SAMD7: variants seen among roughly 807,000 people sequenced by gnomAD.
SAMD7 encodes the protein sterile alpha motif domain containing 7, also known as sterile alpha motif domain-containing protein 7.
SAMD7 carries 34 observed loss-of-function variants against 36.7 expected under a neutral mutation model. That is an observed-to-expected ratio of 0.93 (90% confidence interval 0.71 to 1.23). The LOEUF is 1.23. Ranked by LOEUF, SAMD7 falls within the 50% of genes most tolerant of loss-of-function variation. The pLI, the probability that SAMD7 is intolerant of heterozygous loss-of-function variation, is 0.00. For synonymous variants in SAMD7, 188 were observed against 189.7 expected (o/e 0.99, Z 0.07); for missense variants, 570 against 546.6 (o/e 1.04, Z -0.43).
Position 169,926,570 on chromosome 3 carries a change from A to G in SAMD7, c.308A>G (p.Tyr103Cys), listed in dbSNP as rs1254379526. ...HHTARTEMEM[Y>C]AIYQQRRMEK... The stretch of plus-strand genomic sequence containing the variant: ...GTTTTTAGGACAGAAATGGAAATGT[A>G]TGCTATTTACCAGCAAAGGAGAATG... Residue 103 changes from tyrosine (Y) to cysteine (C), a missense_variant, in exon 6 of 9, where the codon TAT becomes TGT. Physicochemically the swap from Tyr to Cys is radical, Grantham distance 194. Transcript: ENST00000335556. The G allele has an allele frequency of 1.2e-6, 2 of 1,608,434 alleles. No homozygotes were observed. The highest frequency in any genetic ancestry group is 1.7e-6 in the Non-Finnish European group (2 of 1,176,638).
chr3:169,926,249 G>T, intron 5 of SAMD7: 1 of 1,337,590 alleles, frequency 7.5e-7, no homozygotes, highest in Non-Finnish European at 9.8e-7. Context: ...TAGGTTTTTT[G>T]AGGATTAATC....
intron 1 of SAMD7, among the ~76,000 whole-genome samples, chr3:169,914,514 C>A (rs1712721601): frequency 6.6e-6 from 1 of 152,144 alleles, no homozygotes; most frequent in Non-Finnish European, 1.5e-5. Flanking sequence ...ACTTCCATGA[C>A]ATGTGGACAT....
chr3:169,920,702 A>C (rs1444758496), intron 3 of SAMD7, among the ~76,000 whole-genome samples: 1 of 152,142 alleles, frequency 6.6e-6, no homozygotes, highest in African/African-American at 2.4e-5. Flanking sequence ...GTTGTTTAGA[A>C]TATTTTGACC....
At chr3:169,916,169 C>T (rs950062959) in intron 2 of SAMD7, among the ~76,000 whole-genome samples, 1 of 152,172 alleles carries the variant, frequency 6.6e-6, no homozygotes, top group Non-Finnish European at 1.5e-5. Context: ...AAACCAGTCA[C>T]AGCAGGACAA....
At position 169,927,133 on chromosome 3, in the gene SAMD7, G is replaced by A. The variant is rs1436874301; in HGVS notation, c.871G>A (p.Asp291Asn). ...TTCGGAGCAGATTTTTGCAACCTGT[G>A]ATGAAAAGAATGGGGTTTGCCCTCC... ...EASEQIFATC[D>N]EKNGVCPPVP... Residue 291 changes from aspartate to asparagine, a missense_variant, in exon 6 of 9, where the codon GAT (aspartate) becomes AAT (asparagine). Coordinates refer to ENST00000335556, the MANE Select transcript of SAMD7 (RefSeq NM_001304366.2). 2.6e-6 allele frequency: 4 copies of A among 1,566,800 alleles called. 1 individual carries two copies. The South Asian group carries it at 4.8e-5, about 19-fold the overall frequency.
chr3:169,926,507 A>G (rs753313765), intron 5 of SAMD7, 46 bp from the exon 6 acceptor site: 2 of 1,526,404 alleles, frequency 1.3e-6, no homozygotes, highest in East Asian at 2.3e-5. Flanking sequence ...AATTACATTT[A>G]TAGTGGTTTT....
At chr3:169,912,414 A>C (rs568206975) in intron 1 of SAMD7, among the ~76,000 whole-genome samples, 99 of 152,326 alleles carry the variant, frequency 6.5e-4, no homozygotes, top group African/African-American at 2.3e-3. Flanking sequence ...GTTCCATTAT[A>C]TGAGTACTGC....
Position 169,919,551 on chromosome 3 carries a change from T to A in SAMD7, c.53T>A (p.Ile18Asn). 1 of 1,614,128 alleles carries A rather than the reference T, an allele frequency of 6.2e-7. No individual in the cohort carries two copies. The highest frequency in any genetic ancestry group is 1.3e-5 in the African/African-American group (1 of 75,040). Reference protein sequence around the residue: ...TPTGQQTIPLIPSPFGPPTVD... With the variant: ...TPTGQQTIPLNPSPFGPPTVD... Reference sequence around the variant, plus strand: ...ACAGGGCAGCAGACAATCCCACTGATCCCCTCACCATTTGGGCCTCCAACT... The same window carrying A: ...ACAGGGCAGCAGACAATCCCACTGAACCCCTCACCATTTGGGCCTCCAACT... The change falls in exon 3 of 9, where the codon ATC becomes AAC. Residue 18 changes from isoleucine (I) to asparagine (N), a missense_variant. Coordinates refer to ENST00000335556, the MANE Select transcript of SAMD7 (RefSeq NM_001304366.2).
At chr3:169,930,804 A>G (rs901952468) in intron 7 of SAMD7, among the ~76,000 whole-genome samples, 1 of 151,590 alleles carries the variant, frequency 6.6e-6, no homozygotes. Flanking sequence ...GCTGGTCTCA[A>G]CCTCCTGACC....
In SAMD7 at chr3:169,923,023, G is replaced by A. The variant is rs1003285374; in HGVS notation, c.211+1685G>A. Among the ~76,000 whole-genome samples the A allele has an allele frequency of 1.8e-4, 28 of 152,186 alleles. 1 individual carries two copies. Among genetic ancestry groups the A allele is most frequent in the African/African-American group, 6.5e-4 (27 of 41,442 alleles). On this transcript the variant is annotated intron_variant, in intron 4 of 8. Transcript: ENST00000335556. ...ACATGACTTGTGAGGGCTCAGGAGAGACTAGGAGGTGAGAATTTCCTCAAA... is the reference window on the plus strand; with the variant it reads ...ACATGACTTGTGAGGGCTCAGGAGAAACTAGGAGGTGAGAATTTCCTCAAA...
At chr3:169,926,318 G>C in intron 5 of SAMD7, 1 of 1,398,090 alleles carries the variant, frequency 7.2e-7, no homozygotes, top group Non-Finnish European at 9.4e-7. Context: ...TGCCTCGTCT[G>C]TTTAAAGGTA....
At chr3:169,929,835 C>A (rs1166947921) in intron 7 of SAMD7, among the ~76,000 whole-genome samples, 1 of 152,142 alleles carries the variant, frequency 6.6e-6, no homozygotes, top group Non-Finnish European at 1.5e-5. Context: ...TTGTCTTTTG[C>A]ATAACCTGAT....
chr3:169,915,288 T>A (rs1712750025), intron 1 of SAMD7, 79 bp from the exon 2 acceptor site: 1 of 152,444 alleles, frequency 6.6e-6, no homozygotes, highest in East Asian at 1.9e-4. Context: ...CCCTTCCTGG[T>A]CTTGCTTTTC....
chr3:169,931,831 T>C (rs1106759), intron 7 of SAMD7, among the ~76,000 whole-genome samples: 46,572 of 151,768 alleles, frequency 0.31, 7,424 homozygotes, highest in Middle Eastern at 0.43. Context: ...TTGCACTGCA[T>C]GGGTAGCCAC....
At chr3:169,914,334 C>A (rs965327938) in intron 1 of SAMD7, among the ~76,000 whole-genome samples, 3 of 152,134 alleles carry the variant, frequency 2.0e-5, no homozygotes, top group Admixed American at 2.0e-4. Context: ...AGAAACTAGG[C>A]AATCCTTTTC....
intron 7 of SAMD7, among the ~76,000 whole-genome samples, chr3:169,930,578 C>CTTTTTT (rs772549629): frequency 5.8e-4 from 59 of 101,706 alleles, no homozygotes; most frequent in African/African-American, 6.9e-4. Flanking sequence ...CCTTTCTTTT[C>CTTTTTT]TTTTTTTTTT....
At chr3:169,929,077 A>G (rs1259427972) in intron 7 of SAMD7, among the ~76,000 whole-genome samples, 2 of 152,194 alleles carry the variant, frequency 1.3e-5, no homozygotes, top group Non-Finnish European at 2.9e-5. Context: ...ATGCTGGGAC[A>G]ATATATAAAA....
At position 169,927,048 on chromosome 3, in the gene SAMD7, C is replaced by G; in HGVS notation, c.786C>G (p.Pro262=). ...AGCTCGAGCCCACCCATAGGAAACC[C>G]TGGGGGTCTCACACCACTACCCTGA... ...CGELEPTHRK[P]WGSHTTTLKA... is the part of the protein sequence containing the mutation. Residue 262 remains proline (P), a synonymous_variant, in exon 6 of 9, where the codon CCC becomes CCG. Transcript: ENST00000335556. 1 of 1,612,298 alleles carries G rather than the reference C, an allele frequency of 6.2e-7. No homozygotes were observed. Among genetic ancestry groups the G allele is most frequent in the East Asian group, 2.2e-5 (1 of 44,798 alleles).
chr3:169,923,791 C>G (rs942091266), intron 4 of SAMD7, among the ~76,000 whole-genome samples: 1 of 152,096 alleles, frequency 6.6e-6, no homozygotes, highest in African/African-American at 2.4e-5. Context: ...AGGCCTCAGT[C>G]CTACAAAAAC....
Sources: gnomAD v4.1 joint callset for allele counts (sites outside exome capture counted in the v4.1 genomes callset) on GRCh38, gnomAD v4.1.1 for gene constraint, MANE v1.5 for transcripts, NCBI Gene and HGNC (gene_info 2026-07-23, HGNC 2026-07-21) for gene names.